The following VPS13B variants were observed in gnomAD, a reference collection of about 807,000 sequenced individuals.
The protein encoded by VPS13B is vacuolar protein sorting 13 homolog B, also known as intermembrane lipid transfer protein VPS13B.
VPS13B carries 285 observed loss-of-function variants against 426.4 expected under a neutral mutation model. That is an observed-to-expected ratio of 0.67 (90% CI 0.61 to 0.74). The LOEUF (loss-of-function observed/expected upper bound fraction) is 0.74. Ranked by LOEUF, VPS13B falls within the 30% of genes least tolerant of loss-of-function variation. The probability of loss-of-function intolerance (pLI) is 0.00; values close to 1 mark genes in which losing one functional copy is unlikely to be tolerated. For synonymous variants in VPS13B, 1,676 were observed against 1,676.4 expected, an observed-to-expected ratio of 1.00 and a Z score of 0.01; for missense variants, 4,537 against 4,782.6, an observed-to-expected ratio of 0.95 and a Z score of 1.51.
intron 16 of VPS13B, among the ~76,000 whole-genome samples, chr8:99,184,688 TAAA>T (rs1813120177): frequency 6.6e-6 from 1 of 152,128 alleles, no homozygotes; most frequent in Non-Finnish European, 1.5e-5. Flanking sequence ...TCATTGTAAT[TAAA>T]AATATATGAC....
intron 33 of VPS13B, among the ~76,000 whole-genome samples, chr8:99,608,194 G>A (rs569131244): frequency 6.7e-6 from 1 of 149,386 alleles, no homozygotes; most frequent in South Asian, 2.1e-4. Flanking sequence ...TGTTGCCCAG[G>A]CTGGAGTGCA....
At chr8:99,383,799 T>C (rs79785606) in intron 19 of VPS13B, among the ~76,000 whole-genome samples, 3,092 of 152,306 alleles carry the variant, frequency 0.02, 114 homozygotes, top group African/African-American at 0.07. Flanking sequence ...CAGTACTTCA[T>C]TTCTTTTTAT....
chr8:99,258,750 T>C (rs1817890713), intron 17 of VPS13B, among the ~76,000 whole-genome samples: 1 of 152,086 alleles, frequency 6.6e-6, no homozygotes, highest in South Asian at 2.1e-4. Context: ...ATTTATGGTC[T>C]TCGATCCATT....
intron 16 of VPS13B, among the ~76,000 whole-genome samples, chr8:99,181,288 A>G (rs1281601709): frequency 1.3e-5 from 2 of 152,230 alleles, no homozygotes; most frequent in Non-Finnish European, 2.9e-5. Context: ...GAACAGAGGG[A>G]TACAGAGTTA....
rs965449811 is a variant in VPS13B, at chr8:99,693,105, C to G, written c.6047-6420C>G. On this transcript the variant is annotated intron_variant, in intron 35 of 61. Transcript: ENST00000357162. Reference sequence around the variant, plus strand: ...GACCAGATGGATTCACAGCCGAATTCTACCAGAGGTACAAGGAGGAACTGG... The same window carrying G: ...GACCAGATGGATTCACAGCCGAATTGTACCAGAGGTACAAGGAGGAACTGG... 2.6e-3 allele frequency among the ~76,000 whole-genome samples: 379 copies of G among 144,166 alleles called. 5 individuals are homozygous for G. Among genetic ancestry groups the G allele is most frequent in the African/African-American group, 9.3e-3 (357 of 38,346 alleles). The allele number at this position is 144,166 out of a possible 152,430, so 94.6% of individuals were successfully genotyped here. A position where few individuals can be genotyped will look rare whatever the true frequency, so the allele number is the denominator to read the frequency against.
At chr8:99,817,112 CCTT>C (rs1032653810) in intron 44 of VPS13B, among the ~76,000 whole-genome samples, 3 of 150,838 alleles carry the variant, frequency 2.0e-5, no homozygotes, top group South Asian at 4.2e-4. Context: ...CTCCTTCATC[CCTT>C]CTTCTCTGGC....
chr8:99,201,271 G>T (rs934653819), intron 17 of VPS13B, among the ~76,000 whole-genome samples: 1 of 151,944 alleles, frequency 6.6e-6, no homozygotes, highest in Non-Finnish European at 1.5e-5. Flanking sequence ...GTATATAATT[G>T]AGTTCCAGTT....
At chr8:99,062,378 A>G (rs1422236799) in intron 3 of VPS13B, among the ~76,000 whole-genome samples, 1 of 152,208 alleles carries the variant, frequency 6.6e-6, no homozygotes, top group Non-Finnish European at 1.5e-5. Context: ...CCTTTACAAA[A>G]CACAATAAAT....
intron 16 of VPS13B, among the ~76,000 whole-genome samples, chr8:99,185,925 A>G (rs1052417499): frequency 1.3e-5 from 2 of 152,128 alleles, no homozygotes; most frequent in African/African-American, 2.4e-5. Context: ...TAATTAGGCC[A>G]TATTCATTTT....
intron 40 of VPS13B, among the ~76,000 whole-genome samples, chr8:99,767,735 C>A (rs1282645546): frequency 6.6e-6 from 1 of 152,058 alleles, no homozygotes; most frequent in Non-Finnish European, 1.5e-5. Flanking sequence ...TTGAGATCAG[C>A]CTGGGCAATG....
intron 3 of VPS13B, among the ~76,000 whole-genome samples, chr8:99,061,296 C>CTTTTTTTTTTTTTTT (rs36037937): frequency 8.9e-6 from 1 of 112,940 alleles, no homozygotes; most frequent in African/African-American, 3.5e-5. Context: ...TGCTAATTTT[C>CTTTTTTTTTTTTTTT]TTTTTTTTTT....
intron 19 of VPS13B, among the ~76,000 whole-genome samples, chr8:99,299,052 CTTTTTTTTTTTTTT>C (rs11302301): frequency 1.8e-5 from 1 of 55,026 alleles, no homozygotes; most frequent in South Asian, 8.7e-4. Context: ...TATTCCACCA[CTTTTTTTTTTTTTT>C]TTTTTTTTTT....
At chr8:99,351,435 AGTGT>A (rs1024531389) in intron 19 of VPS13B, among the ~76,000 whole-genome samples, 6 of 145,752 alleles carry the variant, frequency 4.1e-5, no homozygotes, top group Admixed American at 1.4e-4. Context: ...AGAGAGAGAG[AGTGT>A]GTGTGTGTGT....
At chr8:99,779,105 T>C in intron 42 of VPS13B, 74 bp downstream of exon 42, 1 of 1,346,596 alleles carries the variant, frequency 7.4e-7, no homozygotes. Flanking sequence ...CTATCACTTC[T>C]GATAATAAGT....
In VPS13B at chr8:99,642,183, G is replaced by T. The variant is rs1230096744; in HGVS notation, c.5593G>T (p.Ala1865Ser). 1 of 1,614,100 alleles carries T rather than the reference G, an allele frequency of 6.2e-7. No individual in the cohort carries two copies. The highest frequency in any genetic ancestry group is 8.5e-7 in the Non-Finnish European group (1 of 1,180,006). ...TTCAGATGTTGCTAAGCCCAACCAG[G>T]CATGTATTTCCACGGTGACAGCAGA... ...VDSDVAKPNQ[A>S]CISTVTAEDL... Residue 1865 changes from alanine (A) to serine (S), a missense_variant, in exon 34 of 62, where the codon GCA (alanine) becomes TCA (serine). This residue lies in a region of VPS13B where 4,311 missense variants were observed against 4,474.3 expected (regional missense o/e 0.96). Coordinates refer to ENST00000357162, the MANE Select transcript of VPS13B (RefSeq NM_152564.5).
chr8:99,833,446 T>C (rs1189073895), intron 52 of VPS13B, among the ~76,000 whole-genome samples: 1 of 152,240 alleles, frequency 6.6e-6, no homozygotes, highest in Non-Finnish European at 1.5e-5. Flanking sequence ...CTAACTCTTT[T>C]GATGTAATAT....
intron 36 of VPS13B, among the ~76,000 whole-genome samples, chr8:99,712,772 A>T (rs2130284267): frequency 6.6e-6 from 1 of 152,222 alleles, no homozygotes; most frequent in East Asian, 1.9e-4. Flanking sequence ...AAAAAAAAAA[A>T]AAAATAGGAT....
At chr8:99,358,001 A>G (rs376779717) in intron 19 of VPS13B, among the ~76,000 whole-genome samples, 5 of 90,658 alleles carry the variant, frequency 5.5e-5, no homozygotes, top group African/African-American at 2.5e-4. Context: ...AGGATTAAAT[A>G]TCACACACAC....
At chr8:99,126,174 G>T (rs2132531540) in intron 8 of VPS13B, among the ~76,000 whole-genome samples, 1 of 152,312 alleles carries the variant, frequency 6.6e-6, no homozygotes, top group East Asian at 1.9e-4. Context: ...CACATAAGTG[G>T]TTTGGTAGAA....
Sources: allele counts gnomAD v4.1 joint callset (sites outside exome capture counted in the v4.1 genomes callset), GRCh38; gene constraint gnomAD v4.1.1; regional missense constraint gnomAD v4.1.1; transcripts MANE v1.5; gene names NCBI Gene and HGNC (gene_info 2026-07-23, HGNC 2026-07-21).